Variants in KHDRBS2 observed in about 807,000 individuals in gnomAD.
The protein encoded by KHDRBS2 is KH RNA binding domain containing, signal transduction associated 2, also known as KH domain-containing, RNA-binding, signal transduction-associated protein 2.
KHDRBS2 carries 26 observed loss-of-function variants against 44.3 expected under a neutral mutation model. The ratio of observed to expected loss-of-function variants is 0.59; its 90% confidence interval spans 0.43 to 0.81. The LOEUF is 0.81. Ranked by LOEUF, KHDRBS2 falls within the 40% of genes least tolerant of loss-of-function variation. KHDRBS2 has a pLI of 0.00. For missense variants in KHDRBS2, 476 were observed against 433.1 expected, an observed-to-expected ratio of 1.10 and a Z score of -0.88; for synonymous variants, 194 against 151.1, an observed-to-expected ratio of 1.28 and a Z score of -2.08.
chr6:62,258,795 A>G (rs1324866719), intron 1 of KHDRBS2, among the ~76,000 whole-genome samples: 1 of 152,034 alleles, frequency 6.6e-6, no homozygotes, highest in Non-Finnish European at 1.5e-5. Context: ...GGGATACTCA[A>G]CCTGTACATG....
chr6:61,754,079 T>C (rs1778129049), intron 6 of KHDRBS2, among the ~76,000 whole-genome samples: 1 of 152,152 alleles, frequency 6.6e-6, no homozygotes, highest in African/African-American at 2.4e-5. Flanking sequence ...TTTGGACTTC[T>C]GGCCTCCGGA....
At position 62,095,839 on chromosome 6, in the gene KHDRBS2, A is replaced by T. The variant is rs111978960; in HGVS notation, c.220-47845T>A. On this transcript the variant is annotated intron_variant, in intron 2 of 8. Transcript: ENST00000281156. ...TTTCAGCTTTTCCCTGTTGGCTATG[A>T]TGTTAGCTGTGGGTCTATTTTATAC... is the stretch of plus-strand genomic sequence containing the variant. Among the ~76,000 whole-genome samples the T allele has an allele frequency of 3.6e-4, 54 of 151,984 alleles. 1 individual carries two copies. Among genetic ancestry groups the T allele is most frequent in the African/African-American group, 1.1e-3 (45 of 41,538 alleles).
the KHDRBS2 span, among the ~76,000 whole-genome samples, chr6:61,621,915 G>C: frequency 6.6e-6 from 1 of 152,146 alleles, no homozygotes; most frequent in Non-Finnish European, 1.5e-5. Context: ...GTATTCTTTA[G>C]CACCTGAAAA....
the KHDRBS2 span, among the ~76,000 whole-genome samples, chr6:61,607,577 C>T: frequency 8.7e-6 from 1 of 114,906 alleles, no homozygotes; most frequent in Non-Finnish European, 1.8e-5. Flanking sequence ...AACTCTTTGC[C>T]AAAGATTAAA....
intron 1 of KHDRBS2, among the ~76,000 whole-genome samples, chr6:62,258,472 G>A (rs1837787428): frequency 6.6e-6 from 1 of 152,014 alleles, no homozygotes; most frequent in African/African-American, 2.4e-5. Flanking sequence ...AATGGCTGAG[G>A]ATCACGGGCA....
At chr6:61,951,827 CTTG>C (rs1317013690) in intron 4 of KHDRBS2, among the ~76,000 whole-genome samples, 4 of 152,086 alleles carry the variant, frequency 2.6e-5, no homozygotes, top group African/African-American at 9.6e-5. Context: ...CCCTCATTCT[CTTG>C]TTGAGATTTT....
intron 3 of KHDRBS2, among the ~76,000 whole-genome samples, chr6:61,985,271 G>T (rs1282459245): frequency 6.6e-6 from 1 of 152,082 alleles, no homozygotes; most frequent in Non-Finnish European, 1.5e-5. Context: ...TGATTTTAAA[G>T]ACCGAAATAT....
chr6:61,773,390 A>T (rs1781335793), intron 6 of KHDRBS2, among the ~76,000 whole-genome samples: 1 of 151,956 alleles, frequency 6.6e-6, no homozygotes, highest in African/African-American at 2.4e-5. Context: ...TCTGATGGCC[A>T]GTGATGATGA....
intron 2 of KHDRBS2, among the ~76,000 whole-genome samples, chr6:62,124,438 C>G (rs1020330254): frequency 1.1e-4 from 16 of 152,124 alleles, no homozygotes; most frequent in African/African-American, 3.6e-4. Flanking sequence ...TGTGGACTCA[C>G]AAAAACATGC....
chr6:62,165,294 A>C (rs1818447129), intron 2 of KHDRBS2, among the ~76,000 whole-genome samples: 1 of 148,638 alleles, frequency 6.7e-6, no homozygotes, highest in Non-Finnish European at 1.5e-5. Context: ...CTTAATTTTA[A>C]TTAGACACAG....
chr6:61,963,252 A>G (rs1271635479), intron 4 of KHDRBS2, among the ~76,000 whole-genome samples: 1 of 152,130 alleles, frequency 6.6e-6, no homozygotes, highest in Non-Finnish European at 1.5e-5. Flanking sequence ...GATATGGAAT[A>G]TGATATGAAA....
chr6:61,936,142 T>C (rs1030713487), intron 4 of KHDRBS2, among the ~76,000 whole-genome samples: 4 of 152,106 alleles, frequency 2.6e-5, no homozygotes, highest in Admixed American at 2.0e-4. Context: ...TCTATCTATA[T>C]TGACACATAT....
chr6:61,657,977 A>G, the KHDRBS2 span, among the ~76,000 whole-genome samples: 1 of 152,004 alleles, frequency 6.6e-6, no homozygotes, highest in African/African-American at 2.4e-5. Flanking sequence ...GACACCAGTG[A>G]AATTTGCCCC....
At chr6:62,073,886 A>C (rs1490304960) in intron 2 of KHDRBS2, among the ~76,000 whole-genome samples, 1 of 151,698 alleles carries the variant, frequency 6.6e-6, no homozygotes, top group East Asian at 2.0e-4. Flanking sequence ...CTATCCTCAA[A>C]AGAAGAACGG....
At chr6:61,948,212 C>G (rs1238777055) in intron 4 of KHDRBS2, among the ~76,000 whole-genome samples, 3 of 151,908 alleles carry the variant, frequency 2.0e-5, no homozygotes, top group Non-Finnish European at 4.4e-5. Context: ...GAAGCAAAAT[C>G]AGAACATTTG....
chr6:61,599,949 C>T, the KHDRBS2 span, among the ~76,000 whole-genome samples: 2 of 151,764 alleles, frequency 1.3e-5, no homozygotes, highest in East Asian at 1.9e-4. Flanking sequence ...CAGAAAGAGA[C>T]AAAGGAAAAA....
chr6:61,679,291 A>C (rs915797679), downstream of KHDRBS2, among the ~76,000 whole-genome samples: 139 of 151,868 alleles, frequency 9.2e-4, 8 homozygotes, highest in Non-Finnish European at 2.9e-5. Context: ...TATTATTGTT[A>C]ATTTTAGTTC....
chr6:61,722,080 T>A (rs1312884510), intron 7 of KHDRBS2, among the ~76,000 whole-genome samples: 1 of 152,128 alleles, frequency 6.6e-6, no homozygotes, highest in Non-Finnish European at 1.5e-5. Flanking sequence ...CTGGATTACA[T>A]TTATTGATTT....
At chr6:62,173,873 T>C (rs1422381793) in intron 2 of KHDRBS2, among the ~76,000 whole-genome samples, 2 of 151,968 alleles carry the variant, frequency 1.3e-5, no homozygotes, top group Non-Finnish European at 2.9e-5. Context: ...CCCTTCATGT[T>C]AAAAACCCTG....
Sources: gnomAD v4.1 joint callset for allele counts (sites outside exome capture counted in the v4.1 genomes callset) on GRCh38, gnomAD v4.1.1 for gene constraint, MANE v1.5 for transcripts, NCBI Gene and HGNC (gene_info 2026-07-23, HGNC 2026-07-21) for gene names.